Variants in KLHL5 observed in about 807,000 individuals in gnomAD.
KLHL5 encodes the protein kelch like family member 5.
KLHL5 carries 48 observed loss-of-function variants against 77.7 expected under a neutral mutation model. The ratio of observed to expected loss-of-function variants is 0.62; its 90% confidence interval spans 0.49 to 0.79. The LOEUF is 0.79. Among genes scored for constraint, KLHL5 ranks in the 30% least tolerant of loss-of-function variants. KLHL5 has a pLI of 0.00. For synonymous variants in KLHL5, 260 were observed against 297.0 expected, an observed-to-expected ratio of 0.88 and a Z score of 1.28; for missense variants, 723 against 859.7, an observed-to-expected ratio of 0.84 and a Z score of 1.99.
chr4:39,132,611 GAA>G, the KLHL5 span, among the ~76,000 whole-genome samples: 1 of 128,928 alleles, frequency 7.8e-6, no homozygotes, highest in Non-Finnish European at 1.7e-5. Context: ...TCATCTCAAA[GAA>G]AAAAAAAAAA....
intron 1 of KLHL5, among the ~76,000 whole-genome samples, chr4:39,063,321 A>G (rs1717599961): frequency 6.6e-6 from 1 of 152,102 alleles, no homozygotes; most frequent in African/African-American, 2.4e-5. Flanking sequence ...AATTTCATGT[A>G]TCATTGCCTG....
rs758609798 is a variant in KLHL5 at position 39,096,883 on chromosome 4, C to G, written c.1300+5C>G. On this transcript the variant is annotated splice_donor_5th_base_variant and intron_variant, in intron 6 of 10. Transcript: ENST00000504108. ...GGGGAATGGATTCAACAAAAGGTATCAAATAATCTTTTATTTGGGGAGGGA... is the reference window on the plus strand; with the variant it reads ...GGGGAATGGATTCAACAAAAGGTATGAAATAATCTTTTATTTGGGGAGGGA... 3 of 1,604,314 alleles carry G rather than the reference C, an allele frequency of 1.9e-6. No individual in the cohort carries two copies. Among genetic ancestry groups the G allele is most frequent in the South Asian group, 1.1e-5 (1 of 90,810 alleles).
chr4:39,073,427 G>A (rs1718683166), intron 1 of KLHL5, among the ~76,000 whole-genome samples: 1 of 152,134 alleles, frequency 6.6e-6, no homozygotes, highest in African/African-American at 2.4e-5. Flanking sequence ...ATCACTTGTA[G>A]TTTGATATGA....
At chr4:39,088,215 A>C (rs558430210) in intron 5 of KLHL5, among the ~76,000 whole-genome samples, 1 of 152,320 alleles carries the variant, frequency 6.6e-6, no homozygotes, top group South Asian at 2.1e-4. Context: ...TCAGATATTT[A>C]TGATACTATA....
upstream of KLHL5, among the ~76,000 whole-genome samples, chr4:39,060,913 A>G (rs1717361439): frequency 6.6e-6 from 1 of 152,174 alleles, no homozygotes; most frequent in African/African-American, 2.4e-5. Context: ...GTATTCATCT[A>G]ACTTTATCTC....
At chr4:39,050,238 C>T (rs1716534640) in intron 1 of KLHL5, among the ~76,000 whole-genome samples, 1 of 152,158 alleles carries the variant, frequency 6.6e-6, no homozygotes, top group African/African-American at 2.4e-5. Context: ...TAAACTGTTA[C>T]ACTTTGTTCC....
At chr4:39,111,377 C>T (rs1164473456) in intron 8 of KLHL5, among the ~76,000 whole-genome samples, 1 of 152,178 alleles carries the variant, frequency 6.6e-6, no homozygotes, top group African/African-American at 2.4e-5. Flanking sequence ...AATGCAAACC[C>T]ACAGATTCTG....
At chr4:39,049,892 T>C (rs937555803) in intron 1 of KLHL5, among the ~76,000 whole-genome samples, 2 of 151,768 alleles carry the variant, frequency 1.3e-5, no homozygotes, top group African/African-American at 4.8e-5. Flanking sequence ...GCCAACATGG[T>C]GAAACCACAT....
chr4:39,081,050 G>A lies in KLHL5; in HGVS notation c.567-53G>A. 1.2e-5 allele frequency: 18 copies of A among 1,534,218 alleles called. No homozygotes were observed. Among genetic ancestry groups the A allele is most frequent in the Non-Finnish European group, 1.6e-5 (18 of 1,135,126 alleles). ...AAAAGAAGCAGCAGCATTTATTAATGAACATCAACTCGAATGTGGTCATTG... is the reference window on the plus strand; with the variant it reads ...AAAAGAAGCAGCAGCATTTATTAATAAACATCAACTCGAATGTGGTCATTG... On this transcript the variant is annotated intron_variant, in intron 2 of 10. Transcript: ENST00000504108. The surrounding 1 kb of genome is among the most constrained non-coding windows in gnomAD (Gnocchi z 4.3).
chr4:39,102,944 G>C (rs1284048364), intron 6 of KLHL5, among the ~76,000 whole-genome samples: 2 of 152,134 alleles, frequency 1.3e-5, no homozygotes, highest in African/African-American at 4.8e-5. Flanking sequence ...GTAGGATACT[G>C]TTAGCAGACC....
chr4:39,093,007 TA>T, intron 5 of KLHL5: 1 of 440,292 alleles, frequency 2.3e-6, no homozygotes, highest in Non-Finnish European at 4.5e-6. Context: ...TCCTAGGTAA[TA>T]ATTACCCAAG....
intron 1 of KLHL5, among the ~76,000 whole-genome samples, chr4:39,067,958 C>G (rs1296395376): frequency 6.6e-6 from 1 of 152,124 alleles, no homozygotes. Flanking sequence ...GCTAGGATTA[C>G]AAGCATGAGC....
intron 1 of KLHL5, among the ~76,000 whole-genome samples, chr4:39,067,763 C>G (rs991010728): frequency 1.5e-4 from 22 of 150,954 alleles, no homozygotes; most frequent in African/African-American, 5.1e-4. Flanking sequence ...TCACTGCAGT[C>G]TTTGCCTCCT....
chr4:39,115,507 A>G (rs1279320033), intron 10 of KLHL5, 177 bp downstream of exon 10: 7 of 1,487,316 alleles, frequency 4.7e-6, no homozygotes, highest in Non-Finnish European at 6.2e-6. Flanking sequence ...CATAATTAAA[A>G]TCCAGAATTA....
At chr4:39,047,812 C>G (rs1716312531) in intron 1 of KLHL5, among the ~76,000 whole-genome samples, 1 of 152,310 alleles carries the variant, frequency 6.6e-6, no homozygotes, top group Middle Eastern at 3.4e-3. Flanking sequence ...TGTTAATTTA[C>G]TGTCAAATCA....
intron 1 of KLHL5, among the ~76,000 whole-genome samples, chr4:39,053,024 T>G (rs767808601): frequency 1.3e-4 from 20 of 152,182 alleles, no homozygotes; most frequent in Non-Finnish European, 2.5e-4. Context: ...ATTGAACAGG[T>G]TATTGGTGGC....
intron 2 of KLHL5, among the ~76,000 whole-genome samples, chr4:39,076,475 T>G (rs1460168892): frequency 6.6e-6 from 1 of 152,134 alleles, no homozygotes; most frequent in Non-Finnish European, 1.5e-5. Context: ...CAATTAAAGT[T>G]TGTGGATATT....
chr4:39,072,149 T>A (rs536505479), intron 1 of KLHL5, among the ~76,000 whole-genome samples: 1 of 150,440 alleles, frequency 6.6e-6, no homozygotes, highest in Non-Finnish European at 1.5e-5. Context: ...GATCATTTTT[T>A]AAAAAAGACA....
chr4:39,130,582 T>G (rs1723761349), downstream of KLHL5, among the ~76,000 whole-genome samples: 1 of 152,128 alleles, frequency 6.6e-6, no homozygotes, highest in South Asian at 2.1e-4. Context: ...CATAGATGCC[T>G]GCACTTCACT....
Sources: allele counts gnomAD v4.1 joint callset (sites outside exome capture counted in the v4.1 genomes callset), GRCh38; gene constraint gnomAD v4.1.1; non-coding constraint Gnocchi (gnomAD v3.1); transcripts MANE v1.5; gene names NCBI Gene and HGNC (gene_info 2026-07-23, HGNC 2026-07-21).